Variants in LRRC4C observed in about 807,000 individuals in gnomAD.
The protein encoded by LRRC4C is leucine rich repeat containing 4C.
Under a neutral mutation model 33.6 loss-of-function variants are expected in LRRC4C, and 5 were observed. The observed-to-expected ratio is 0.15, with a 90% CI of 0.08 to 0.31. The LOEUF (loss-of-function observed/expected upper bound fraction) is 0.31. Ranked by LOEUF, LRRC4C falls within the 10% of genes least tolerant of loss-of-function variation. LRRC4C has a pLI of 1.00. For synonymous variants in LRRC4C, 329 were observed against 302.0 expected, an observed-to-expected ratio of 1.09 and a Z score of -0.93; for missense variants, 560 against 796.7, an observed-to-expected ratio of 0.70 and a Z score of 3.58.
chr11:41,004,794 A>T (rs547128209), intron 1 of LRRC4C, among the ~76,000 whole-genome samples: 1 of 152,170 alleles, frequency 6.6e-6, no homozygotes, highest in African/African-American at 2.4e-5. Context: ...GAAAAAAAAA[A>T]TTAAACAGAG....
At chr11:41,101,332 A>C (rs1941165472) in intron 1 of LRRC4C, among the ~76,000 whole-genome samples, 1 of 152,160 alleles carries the variant, frequency 6.6e-6, no homozygotes, top group African/African-American at 2.4e-5. Context: ...TTAAAAGTGG[A>C]CAAAGAATAT....
Position 40,937,601 on chromosome 11 carries a change from A to ATGTG in LRRC4C, c.-495-3879_-495-3878insCACA, listed in dbSNP as rs1486364979. 3.1e-3 allele frequency among the ~76,000 whole-genome samples: 357 copies of ATGTG among 114,742 alleles called. 3 individuals are homozygous for ATGTG. Among genetic ancestry groups the ATGTG allele is most frequent in the African/African-American group, 0.013 (305 of 24,032 alleles). The allele number at this position is 114,742 out of a possible 152,430, so 75.3% of individuals were successfully genotyped here. On this transcript the variant is annotated intron_variant, in intron 1 of 6. Coordinates refer to ENST00000528697, the MANE Select transcript of LRRC4C (RefSeq NM_001258419.2). ...TAATTCACTCTTCTTGAGTGTGTGT[A>ATGTG]TATGTGTGTGTGTGTGTGTGTGTGT...
intron 1 of LRRC4C, among the ~76,000 whole-genome samples, chr11:41,262,554 A>ACG (rs1949017557): frequency 2.0e-5 from 3 of 152,032 alleles, no homozygotes; most frequent in Admixed American, 1.3e-4. Flanking sequence ...CCTCTAACGT[A>ACG]TTATCAGTTA....
At chr11:40,133,100 C>A (rs928683187) in intron 6 of LRRC4C, among the ~76,000 whole-genome samples, 53 of 152,252 alleles carry the variant, frequency 3.5e-4, no homozygotes, top group Non-Finnish European at 5.7e-4. Context: ...CGGTTAATAG[C>A]CTTGCTTCCC....
chr11:40,771,183 G>GA, intron 2 of LRRC4C, among the ~76,000 whole-genome samples: 1 of 152,164 alleles, frequency 6.6e-6, no homozygotes, highest in African/African-American at 2.4e-5. Flanking sequence ...CTGAAATCTA[G>GA]ACAGAAGTTC....
At chr11:41,279,051 C>T (rs774167013) in intron 1 of LRRC4C, among the ~76,000 whole-genome samples, 3 of 152,114 alleles carry the variant, frequency 2.0e-5, no homozygotes, top group African/African-American at 2.4e-5. Flanking sequence ...TAAGTGAAAA[C>T]ATGTGGCATT....
At chr11:40,592,876 A>G (rs929579233) in intron 3 of LRRC4C, among the ~76,000 whole-genome samples, 2 of 152,202 alleles carry the variant, frequency 1.3e-5, no homozygotes, top group Non-Finnish European at 2.9e-5. Flanking sequence ...GACTATTTCA[A>G]GCAACACTTC....
At chr11:41,013,709 C>G (rs1209192148) in intron 1 of LRRC4C, among the ~76,000 whole-genome samples, 1 of 152,048 alleles carries the variant, frequency 6.6e-6, no homozygotes, top group Non-Finnish European at 1.5e-5. Flanking sequence ...TAGATGATGC[C>G]TGTATTAGTC....
chr11:40,996,935 T>C (rs1227616219), intron 1 of LRRC4C, among the ~76,000 whole-genome samples: 1 of 152,132 alleles, frequency 6.6e-6, no homozygotes, highest in African/African-American at 2.4e-5. Context: ...CCTCCAACAC[T>C]GGAGATCAAA....
At chr11:40,987,779 C>A (rs61647522) in intron 1 of LRRC4C, among the ~76,000 whole-genome samples, 2 of 150,466 alleles carry the variant, frequency 1.3e-5, no homozygotes, top group African/African-American at 4.9e-5. Flanking sequence ...TAGAAGCAAG[C>A]AAATATAATT....
chr11:41,026,156 A>T (rs1039280354), intron 1 of LRRC4C, among the ~76,000 whole-genome samples: 3 of 151,710 alleles, frequency 2.0e-5, no homozygotes, highest in Non-Finnish European at 3.0e-5. Context: ...TCCTCTGATA[A>T]ATCTGGACAA....
intron 1 of LRRC4C, among the ~76,000 whole-genome samples, chr11:41,233,228 G>A (rs1043445578): frequency 6.6e-6 from 1 of 151,900 alleles, no homozygotes. Context: ...GAGTCAAAAG[G>A]TTAAGAAAGT....
intron 2 of LRRC4C, among the ~76,000 whole-genome samples, chr11:40,790,439 G>C (rs2137373938): frequency 6.6e-6 from 1 of 152,204 alleles, no homozygotes; most frequent in East Asian, 1.9e-4. Flanking sequence ...CAAATACAAA[G>C]GCTTTGGAAA....
intron 1 of LRRC4C, among the ~76,000 whole-genome samples, chr11:41,375,727 T>C (rs564675663): frequency 6.6e-6 from 1 of 152,126 alleles, no homozygotes; most frequent in Non-Finnish European, 1.5e-5. Context: ...ATAGCTATCA[T>C]GGCAGAGAAG....
intron 3 of LRRC4C, among the ~76,000 whole-genome samples, chr11:40,332,135 G>A (rs1353110764): frequency 6.6e-6 from 1 of 152,144 alleles, no homozygotes; most frequent in Non-Finnish European, 1.5e-5. Flanking sequence ...CCATAACAAA[G>A]TGTCACAAAT....
At chr11:40,654,864 T>C (rs528805660) in intron 2 of LRRC4C, among the ~76,000 whole-genome samples, 8 of 152,282 alleles carry the variant, frequency 5.3e-5, no homozygotes, top group Admixed American at 3.3e-4. Context: ...AATTGAATCA[T>C]GGTGGTGGTT....
intron 3 of LRRC4C, among the ~76,000 whole-genome samples, chr11:40,609,884 G>C (rs1322000014): frequency 2.0e-5 from 3 of 151,580 alleles, no homozygotes; most frequent in Non-Finnish European, 4.4e-5. Flanking sequence ...CGAGTTAGAA[G>C]ACTGATTTAG....
chr11:40,744,236 T>C (rs1948305890), intron 2 of LRRC4C, among the ~76,000 whole-genome samples: 1 of 151,952 alleles, frequency 6.6e-6, no homozygotes, highest in South Asian at 2.1e-4. Flanking sequence ...GCAAGTAAAA[T>C]AATGAAAAAT....
chr11:40,429,155 C>A (rs1014654902), intron 3 of LRRC4C, among the ~76,000 whole-genome samples: 3 of 152,162 alleles, frequency 2.0e-5, no homozygotes, highest in Non-Finnish European at 4.4e-5. Flanking sequence ...CATTGTGCAA[C>A]TTCCGCCTCC....
Sources: gnomAD v4.1 joint callset for allele counts (sites outside exome capture counted in the v4.1 genomes callset) on GRCh38, gnomAD v4.1.1 for gene constraint, MANE v1.5 for transcripts, NCBI Gene and HGNC (gene_info 2026-07-23, HGNC 2026-07-21) for gene names.